NUTM2F: variants seen among roughly 807,000 people sequenced by gnomAD.
The protein encoded by NUTM2F is family with sequence similarity 22, member F.
Under a neutral mutation model 43.3 loss-of-function variants are expected in NUTM2F, and 22 were observed. That is an observed-to-expected ratio of 0.51 (90% confidence interval 0.36 to 0.73). The LOEUF is 0.73. NUTM2F is among the 30% of genes least tolerant of loss of function. NUTM2F has a pLI of 0.00. For missense variants in NUTM2F, 488 were observed against 927.4 expected, an observed-to-expected ratio of 0.53 and a Z score of 6.15; for synonymous variants, 202 against 389.0, an observed-to-expected ratio of 0.52 and a Z score of 5.66.
intron 1 of NUTM2F, 78 bp from the exon 2 acceptor site, chr9:94,326,012 C>T (rs1002665406): frequency 1.3e-6 from 2 of 1,545,920 alleles, no homozygotes; most frequent in African/African-American, 2.7e-5. Flanking sequence ...AGGGGAGTCC[C>T]AACAGCTGAG....
At chr9:94,323,193 C>T (rs1346994664) in intron 2 of NUTM2F, among the ~76,000 whole-genome samples, 1 of 151,944 alleles carries the variant, frequency 6.6e-6, no homozygotes, top group Non-Finnish European at 1.5e-5. Context: ...GGCGGCTACA[C>T]TCCAAGAATC....
chr9:94,322,107 A>T, intron 3 of NUTM2F, 94 bp downstream of exon 3: 1 of 1,540,824 alleles, frequency 6.5e-7, no homozygotes, highest in South Asian at 1.2e-5. Flanking sequence ...CACCCTCCTC[A>T]TGCTCCATGC....
At chr9:94,319,915 G>A (rs1312218719) in intron 5 of NUTM2F, among the ~76,000 whole-genome samples, 186 bp from the exon 6 acceptor site, 3 of 151,920 alleles carry the variant, frequency 2.0e-5, no homozygotes, top group South Asian at 2.1e-4. Flanking sequence ...CATACAGACA[G>A]AGACACACAA....
chr9:94,326,801 T>C (rs111542910), intron 1 of NUTM2F, among the ~76,000 whole-genome samples: 7,770 of 144,558 alleles, frequency 0.054, 648 homozygotes, highest in African/African-American at 0.2. Flanking sequence ...CCCAAGCCAG[T>C]GCCCTAGGAA....
At position 94,322,273 on chromosome 9, in the gene NUTM2F, A is replaced by G. The variant is rs759488492; in HGVS notation, c.770T>C (p.Leu257Pro). 1 of 1,612,044 alleles carries G rather than the reference A, an allele frequency of 6.2e-7. No homozygotes were observed. The highest frequency in any genetic ancestry group is 1.1e-5 in the South Asian group (1 of 90,984). The change falls in exon 3 of 7, where the codon CTG becomes CCG. Residue 257 changes from leucine (L) to proline (P), a missense_variant. Leu to Pro is a moderately conservative substitution (Grantham distance 98). Transcript: ENST00000253262. ...RKPTMTLEEG[L>P]WQAMREWQHT... ...CTGCCATTCCCGCATGGCCTGCCAC[A>G]GTCCCTCCTCCAGCGTCATGGTGGG...
chr9:94,325,718 G>T lies in NUTM2F; in HGVS notation c.233C>A (p.Ala78Asp), dbSNP rs1191515190. 2.5e-6 allele frequency: 4 copies of T among 1,611,746 alleles called. No homozygotes were observed. The East Asian group carries it at 8.9e-5, about 36-fold the overall frequency. Residue 78 changes from alanine (A) to aspartate (D), a missense_variant, in exon 2 of 7, where the codon GCT becomes GAT. Ala to Asp is a moderately radical substitution (Grantham distance 126, BLOSUM62 -2). Coordinates refer to ENST00000253262, the MANE Select transcript of NUTM2F (RefSeq NM_017561.2). ...CCTCATCTGGACAAAGACGTTGGAA[G>T]CCCCGGCCCCACTCGGGCCGCGGCC... ...QDGRGPSGAG[A>D]SNVFVQMRTE...
rs371327487 is a variant in NUTM2F, at chr9:94,322,378, C to T, written c.714-49G>A. The T allele has an allele frequency of 4.4e-4, 704 of 1,610,388 alleles. 3 individuals carry two copies. In the African/African-American group the frequency reaches 7.1e-3, roughly 16 times the overall value. On this transcript the variant is annotated intron_variant, in intron 2 of 6. Transcript: ENST00000253262. Reference sequence around the variant, plus strand: ...CAGTCTGTAAGCCCACCCTCCATCCCGGGCCCACCTGGTCCCAACACCTGG... The same window carrying T: ...CAGTCTGTAAGCCCACCCTCCATCCTGGGCCCACCTGGTCCCAACACCTGG...
intron 3 of NUTM2F, 70 bp from the exon 4 acceptor site, chr9:94,321,302 C>G: frequency 1.3e-6 from 2 of 1,538,226 alleles, no homozygotes; most frequent in Non-Finnish European, 1.7e-6. Context: ...CAGGCAGCAG[C>G]TGAGGGCAGG....
Position 94,321,116 on chromosome 9 carries a change from G to A in NUTM2F, c.959C>T (p.Ala320Val). 3 of 1,552,454 alleles carry A rather than the reference G, an allele frequency of 1.9e-6. No homozygotes were observed. The highest frequency in any genetic ancestry group is 1.2e-5 in the South Asian group (1 of 85,378). ...PPRLEPRGPP[A>V]PEVVKQPVYL... Reference sequence around the variant, plus strand: ...ACCTGGCTGCTTGACCACCTCAGGGGCAGGGGGTCCTCGAGGTTCAAGCCT... The same window carrying A: ...ACCTGGCTGCTTGACCACCTCAGGGACAGGGGGTCCTCGAGGTTCAAGCCT... The change falls in exon 4 of 7, where the codon GCC becomes GTC. Residue 320 changes from alanine (A) to valine (V), a missense_variant. Physicochemically the swap from Ala to Val is moderately conservative, Grantham distance 64. Transcript: ENST00000253262.
chr9:94,319,055 C>CCAGACGG lies in NUTM2F; in HGVS notation c.1680_1681insCCGTCTG (p.Gly561ProfsTer70). ...ATGCCAGTGCGCACTCTGCCCTGTC[C>CCAGACGG]CTGAGGGTCCTGGGCAGCTGTCTGG... On this transcript the variant is annotated frameshift_variant, in exon 7 of 7. Transcript: ENST00000253262. LOFTEE classifies it low-confidence loss of function (END_TRUNC). 1.0e-6 allele frequency: 1 copy of CCAGACGG among 993,224 alleles called. No homozygotes were observed. Among genetic ancestry groups the CCAGACGG allele is most frequent in the Non-Finnish European group, 1.4e-6 (1 of 710,812 alleles). The allele number at this position is 993,224 out of a possible 1,614,324, so 61.5% of individuals were successfully genotyped here. A position where few individuals can be genotyped will look rare whatever the true frequency, so the allele number is the denominator to read the frequency against.
At position 94,320,424 on chromosome 9, in the gene NUTM2F, G is replaced by C. The variant is rs1168738068; in HGVS notation, c.1152C>G (p.Thr384=). 1.2e-6 allele frequency: 2 copies of C among 1,605,010 alleles called. No individual in the cohort carries two copies. Among genetic ancestry groups the C allele is most frequent in the Non-Finnish European group, 8.5e-7 (1 of 1,175,706 alleles). ...PPPRPQRPAE[T]KVPEEIPPEV... ...CAGGGGGGATCTCCTCAGGGACCTT[G>C]GTCTCCGCTGGCCTCTGGGGCCTGG... Residue 384 remains threonine, a synonymous_variant, in exon 5 of 7, where the codon ACC becomes ACG. Coordinates refer to ENST00000253262, the MANE Select transcript of NUTM2F (RefSeq NM_017561.2). The surrounding 1 kb of genome is among the most constrained non-coding windows in gnomAD (Gnocchi z 4.5).
chr9:94,324,952 A>G (rs1587703881), intron 2 of NUTM2F, among the ~76,000 whole-genome samples: 2 of 141,810 alleles, frequency 1.4e-5, no homozygotes, highest in African/African-American at 2.7e-5. Context: ...GCGCCATTGC[A>G]CTCCAGCCTG....
chr9:94,324,519 C>T (rs1328633484), intron 2 of NUTM2F, among the ~76,000 whole-genome samples: 3 of 148,556 alleles, frequency 2.0e-5, no homozygotes, highest in East Asian at 2.0e-4. Context: ...AAAAATTAGC[C>T]GGGCATGGTG....
rs774660632 is a variant in NUTM2F at position 94,319,042 on chromosome 9, A to G, written c.1694T>C (p.Val565Ala). 10 of 1,511,148 alleles carry G rather than the reference A, an allele frequency of 6.6e-6. No homozygotes were observed. Among genetic ancestry groups the G allele is most frequent in the East Asian group, 4.7e-5 (2 of 42,638 alleles). 93.6% of individuals were successfully genotyped at this position (1,511,148 alleles called of 1,614,324 possible). A position where few individuals can be genotyped will look rare whatever the true frequency, so the allele number is the denominator to read the frequency against. The stretch of plus-strand genomic sequence containing the variant: ...TTCGGACCTGGCCATGCCAGTGCGC[A>G]CTCTGCCCTGTCCCTGAGGGTCCTG... ...AAQDPQGQGR[V>A]RTGMARSEDP... The change falls in exon 7 of 7, where the codon GTG becomes GCG. Residue 565 changes from valine (V) to alanine (A), a missense_variant. Coordinates refer to ENST00000253262, the MANE Select transcript of NUTM2F (RefSeq NM_017561.2).
At position 94,320,862 on chromosome 9, in the gene NUTM2F, G is replaced by C. The variant is rs1831353803; in HGVS notation, c.982+231C>G. On this transcript the variant is annotated intron_variant, in intron 4 of 6. Transcript: ENST00000253262. The surrounding 1 kb of genome is among the most constrained non-coding windows in gnomAD (Gnocchi z 4.5). ...CATATGTGGAGTTTTGGACAGGCAAGGGGAGAGAGAAAGTAGGAAACTTGG... is the reference window on the plus strand; with the variant it reads ...CATATGTGGAGTTTTGGACAGGCAACGGGAGAGAGAAAGTAGGAAACTTGG... Among the ~76,000 whole-genome samples the C allele has an allele frequency of 6.6e-6, 1 of 152,314 alleles. No homozygotes were observed. Among genetic ancestry groups the C allele is most frequent in the South Asian group, 2.1e-4 (1 of 4,832 alleles).
At chr9:94,328,502 C>A in intron 1 of NUTM2F, 106 bp downstream of exon 1, 1 of 1,571,614 alleles carries the variant, frequency 6.4e-7, no homozygotes, top group Non-Finnish European at 8.7e-7. Flanking sequence ...GTGCTCCCTC[C>A]CTCAACATCA....
chr9:94,325,666 A>T lies in NUTM2F; in HGVS notation c.285T>A (p.Pro95=). The change falls in exon 2 of 7, where the codon CCT becomes CCA. Residue 95 remains proline (P), a synonymous_variant. Transcript: ENST00000253262. ...MRTEVGPVKP[P]QAQTLILTQA... ...GAGTTAGGATCAAGGTCTGTGCCTG[A>T]GGGGGCTTCACAGGCCCCACTTCTG... The T allele has an allele frequency of 1.9e-6, 3 of 1,610,188 alleles. No homozygotes were observed. The highest frequency in any genetic ancestry group is 2.5e-6 in the Non-Finnish European group (3 of 1,179,534).
At chr9:94,319,554 G>T (rs1431347628) in intron 6 of NUTM2F, 59 bp downstream of exon 6, 3 of 1,608,190 alleles carry the variant, frequency 1.9e-6, no homozygotes, top group Non-Finnish European at 2.6e-6. Flanking sequence ...GGTGGGCCTT[G>T]TGTGCCGGGT....
intron 2 of NUTM2F, among the ~76,000 whole-genome samples, chr9:94,324,001 G>A (rs148337851): frequency 6.6e-6 from 1 of 152,312 alleles, no homozygotes; most frequent in East Asian, 1.9e-4. Flanking sequence ...TGGGTGCGGT[G>A]GCTCACGCCT....
Sources: gnomAD v4.1 joint callset for allele counts (sites outside exome capture counted in the v4.1 genomes callset) on GRCh38, gnomAD v4.1.1 for gene constraint, Gnocchi (gnomAD v3.1) non-coding constraint, MANE v1.5 for transcripts, NCBI Gene and HGNC (gene_info 2026-07-23, HGNC 2026-07-21) for gene names.